ANXA4: variants seen among roughly 807,000 people sequenced by gnomAD.
ANXA4 encodes annexin A4, also known as 35-beta calcimedin.
Under a neutral mutation model 49.8 loss-of-function variants are expected in ANXA4, and 39 were observed. The ratio of observed to expected loss-of-function variants is 0.78; its 90% CI spans 0.61 to 1.02. The LOEUF (loss-of-function observed/expected upper bound fraction) is 1.02. Among genes scored for constraint, ANXA4 ranks in the 50% least tolerant of loss-of-function variants. ANXA4 has a pLI of 0.00. For missense variants in ANXA4, 360 were observed against 410.1 expected (o/e 0.88, Z 1.05); for synonymous variants, 134 against 152.5 (o/e 0.88, Z 0.89).
intron 1 of ANXA4, among the ~76,000 whole-genome samples, chr2:69,762,505 C>T (rs1671334524): frequency 6.6e-6 from 1 of 152,296 alleles, no homozygotes; most frequent in South Asian, 2.1e-4. Context: ...GGTCTAATTC[C>T]CAGTTGCTAG....
chr2:69,825,888 TTTTCCC>T lies in ANXA4; in HGVS notation c.*375_*380del, dbSNP rs2103920445. The T allele has an allele frequency of 6.3e-6, 1 of 159,490 alleles. No individual in the cohort carries two copies. The highest frequency in any genetic ancestry group is 2.0e-4 in the South Asian group (1 of 4,988). The allele number at this position is 159,490 out of a possible 1,614,324, so 9.9% of individuals were successfully genotyped here. A position where few individuals can be genotyped will look rare whatever the true frequency, so the allele number is the denominator to read the frequency against. On this transcript the variant is annotated 3_prime_UTR_variant, in exon 13 of 13. Coordinates refer to ENST00000394295, the MANE Select transcript of ANXA4 (RefSeq NM_001153.5). ...ATGGAAGACTGTTCTAAAATCACTT[TTTTCCC>T]TAATCCAATTTTTAGAGTGGCTAGT...
At chr2:69,675,167 C>T (rs569206659) in intron 2 of ANXA4, among the ~76,000 whole-genome samples, 1 of 152,308 alleles carries the variant, frequency 6.6e-6, no homozygotes, top group South Asian at 2.1e-4. Flanking sequence ...CGTGATCCAC[C>T]TGCCTTGGCC....
At chr2:69,726,304 C>G (rs1669961683) in intron 3 of ANXA4, among the ~76,000 whole-genome samples, 1 of 152,158 alleles carries the variant, frequency 6.6e-6, no homozygotes, top group African/African-American at 2.4e-5. Context: ...GAGGCCTCCC[C>G]AGCCATTCAG....
At chr2:69,765,192 C>T (rs920710974) in intron 1 of ANXA4, among the ~76,000 whole-genome samples, 2 of 152,164 alleles carry the variant, frequency 1.3e-5, no homozygotes, top group Non-Finnish European at 2.9e-5. Flanking sequence ...CATGGATGTG[C>T]AAACATTTCT....
At chr2:69,674,276 TG>T (rs1677314745) in intron 2 of ANXA4, 1 of 152,218 alleles carries the variant, frequency 6.6e-6, no homozygotes, top group Non-Finnish European at 1.5e-5. Flanking sequence ...TTTTAGGATT[TG>T]GGCTTAATTT....
intron 1 of ANXA4, among the ~76,000 whole-genome samples, chr2:69,769,460 A>G (rs896611993): frequency 1.3e-5 from 2 of 152,150 alleles, no homozygotes; most frequent in African/African-American, 4.8e-5. Context: ...AACTTTTCTC[A>G]GTTTTTAACT....
At chr2:69,700,523 C>T (rs533824169) in intron 2 of ANXA4, 5 of 152,212 alleles carry the variant, frequency 3.3e-5, no homozygotes, top group Admixed American at 2.0e-4. Context: ...AAGTATCTTA[C>T]AATTATATAG....
chr2:69,676,062 TTA>T (rs1308925603), intron 2 of ANXA4, among the ~76,000 whole-genome samples: 2 of 151,366 alleles, frequency 1.3e-5, no homozygotes, highest in East Asian at 3.9e-4. Context: ...ATGGTAAACT[TTA>T]TGTTATCTAT....
intron 2 of ANXA4, among the ~76,000 whole-genome samples, chr2:69,685,996 A>G (rs762416504): frequency 3.3e-5 from 5 of 152,222 alleles, no homozygotes; most frequent in Non-Finnish European, 7.3e-5. Context: ...TATTTCCACC[A>G]CACAGATGCA....
In ANXA4 at chr2:69,734,462, C is replaced by T. The variant is rs184643075; in HGVS notation, n.864+13591C>T. Among the ~76,000 whole-genome samples the T allele has an allele frequency of 1.4e-4, 22 of 152,296 alleles. No individual in the cohort carries two copies. The East Asian group carries it at 4.2e-3, about 29-fold the overall frequency. On this transcript the variant is annotated intron_variant and non_coding_transcript_variant, in intron 3 of 3. Transcript: ENST00000418066. ...CCCTGAGGAGATAAGGAAGTATGCA[C>T]ACAACATTTAAACAATGCTGTCTTG...
At chr2:69,802,991 G>A (rs1454639719) in intron 3 of ANXA4, among the ~76,000 whole-genome samples, 2 of 151,972 alleles carry the variant, frequency 1.3e-5, no homozygotes, top group African/African-American at 4.8e-5. Context: ...GAGGTCAGGA[G>A]TTCAAGACCA....
intron 2 of ANXA4, among the ~76,000 whole-genome samples, chr2:69,717,320 T>C (rs1303626062): frequency 6.6e-6 from 1 of 152,226 alleles, no homozygotes; most frequent in Non-Finnish European, 1.5e-5. Context: ...AGGCTGGTGC[T>C]GGAAAACTCC....
chr2:69,691,470 G>A (rs569781683), intron 2 of ANXA4, among the ~76,000 whole-genome samples: 3 of 152,146 alleles, frequency 2.0e-5, no homozygotes, highest in African/African-American at 7.2e-5. Flanking sequence ...ATAAAGATGG[G>A]AGTTTACTTT....
intron 2 of ANXA4, among the ~76,000 whole-genome samples, chr2:69,673,794 C>G (rs2105346272): frequency 6.6e-6 from 1 of 152,282 alleles, no homozygotes; most frequent in African/African-American, 2.4e-5. Flanking sequence ...CACCAACTCC[C>G]TCTCTCACTC....
chr2:69,826,667 C>T lies in ANXA4; in HGVS notation c.*1152C>T, dbSNP rs1311593326. The T allele has an allele frequency of 6.6e-6, 1 of 151,970 alleles. No individual in the cohort carries two copies. The highest frequency in any genetic ancestry group is 6.6e-5 in the Admixed American group (1 of 15,258). The allele number at this position is 151,970 out of a possible 1,614,324, so 9.4% of individuals were successfully genotyped here. ...GGGTGTGGTGGCTGGTGCCTGTAATCCCAGCCACTCGGAGGCTGAGTCAGG... is the reference window on the plus strand; with the variant it reads ...GGGTGTGGTGGCTGGTGCCTGTAATTCCAGCCACTCGGAGGCTGAGTCAGG... On this transcript the variant is annotated 3_prime_UTR_variant, in exon 13 of 13. Transcript: ENST00000394295.
chr2:69,739,529 C>T (rs1670330534), upstream of ANXA4, among the ~76,000 whole-genome samples: 1 of 151,960 alleles, frequency 6.6e-6, no homozygotes, highest in South Asian at 2.1e-4. Flanking sequence ...CCTCAGCCTC[C>T]CCAGTAGCTG....
intron 3 of ANXA4, among the ~76,000 whole-genome samples, chr2:69,722,939 G>A (rs1009138568): frequency 7.9e-5 from 12 of 151,334 alleles, no homozygotes; most frequent in African/African-American, 2.7e-4. Context: ...TTGGGAGGCC[G>A]AGGTGGGCGG....
At chr2:69,823,158 C>A (rs527490543) in intron 12 of ANXA4, among the ~76,000 whole-genome samples, 4 of 150,282 alleles carry the variant, frequency 2.7e-5, no homozygotes, top group Non-Finnish European at 5.9e-5. Context: ...TAATACTATA[C>A]CAACACTAAA....
At chr2:69,666,641 A>G (rs1212318802) in intron 2 of ANXA4, among the ~76,000 whole-genome samples, 2 of 152,264 alleles carry the variant, frequency 1.3e-5, no homozygotes, top group African/African-American at 4.8e-5. Context: ...ATACAATGCA[A>G]TATTATTCTA....
Sources: allele counts gnomAD v4.1 joint callset (sites outside exome capture counted in the v4.1 genomes callset), GRCh38; gene constraint gnomAD v4.1.1; transcripts MANE v1.5; gene names NCBI Gene and HGNC (gene_info 2026-07-23, HGNC 2026-07-21).